Variants in FMN1 observed in about 807,000 individuals in gnomAD.
The protein encoded by FMN1 is formin-1.
A neutral mutation model predicts 132.4 loss-of-function variants in FMN1; 110 were observed. The observed-to-expected ratio is 0.83, with a 90% CI of 0.71 to 0.97. The LOEUF is 0.97. Among genes scored for constraint, FMN1 ranks in the 50% least tolerant of loss-of-function variants. The pLI is 0.00. For missense variants in FMN1, 1,792 were observed against 1,705.3 expected (o/e 1.05, Z -0.90); for synonymous variants, 722 against 651.7 (o/e 1.11, Z -1.64).
At chr15:33,119,158 G>C (rs1388117363) in intron 4 of FMN1, among the ~76,000 whole-genome samples, 1 of 152,180 alleles carries the variant, frequency 6.6e-6, no homozygotes, top group East Asian at 1.9e-4. Context: ...CTTCTATTCT[G>C]ATGATCTAGT....
At chr15:33,055,478 G>C (rs990157036) in intron 6 of FMN1, among the ~76,000 whole-genome samples, 1 of 152,160 alleles carries the variant, frequency 6.6e-6, no homozygotes, top group Non-Finnish European at 1.5e-5. Flanking sequence ...GTGTGAAACT[G>C]GTACAAGGCT....
intron 17 of FMN1, among the ~76,000 whole-genome samples, chr15:32,817,185 G>A (rs1182397701): frequency 6.6e-6 from 1 of 152,124 alleles, no homozygotes; most frequent in Non-Finnish European, 1.5e-5. Context: ...AAAAATAATT[G>A]TTCAGATGTT....
At chr15:32,885,926 G>A (rs1213685064) in intron 16 of FMN1, among the ~76,000 whole-genome samples, 2 of 151,898 alleles carry the variant, frequency 1.3e-5, no homozygotes, top group Admixed American at 6.6e-5. Flanking sequence ...CAGCAGCTAC[G>A]ACACTTTAAT....
chr15:33,065,122 T>C, intron 5 of FMN1, 48 bp from the exon 6 acceptor site: 1 of 1,281,156 alleles, frequency 7.8e-7, no homozygotes, highest in Non-Finnish European at 1.1e-6. Flanking sequence ...TCAGAGCCGA[T>C]TAATTCCTGA....
chr15:32,809,982 C>A (rs917536465), intron 17 of FMN1, among the ~76,000 whole-genome samples: 2 of 151,956 alleles, frequency 1.3e-5, no homozygotes, highest in African/African-American at 2.4e-5. Context: ...TGCCGTGATG[C>A]AATCTCAGCT....
rs200347139 is a variant in FMN1 at position 33,067,217 on chromosome 15, C to T, written c.2044-2143G>A. On this transcript the variant is annotated intron_variant, in intron 5 of 20. Transcript: ENST00000616417. Reference sequence around the variant, plus strand: ...GCTGGGGCGACGCTCTGTCTGAAGACCACCGTTGCCAGCTTCCAGTTTGCT... The same window carrying T: ...GCTGGGGCGACGCTCTGTCTGAAGATCACCGTTGCCAGCTTCCAGTTTGCT... The T allele has an allele frequency of 2.2e-4, 361 of 1,613,322 alleles. No homozygotes were observed. Among genetic ancestry groups the T allele is most frequent in the Non-Finnish European group, 2.9e-4 (339 of 1,179,894 alleles).
rs975573511 is a variant in FMN1 at position 33,001,922 on chromosome 15, T to C, written c.2223+6092A>G. Among the ~76,000 whole-genome samples the C allele has an allele frequency of 5.7e-4, 87 of 152,190 alleles. 1 individual carries two copies. Among genetic ancestry groups the C allele is most frequent in the African/African-American group, 2.0e-3 (83 of 41,530 alleles). ...CCTAAGCTCCCCCACTTACTGCCCATGGAACTACAGGGTAAAATAATCAAC... is the reference window on the plus strand; with the variant it reads ...CCTAAGCTCCCCCACTTACTGCCCACGGAACTACAGGGTAAAATAATCAAC... On this transcript the variant is annotated intron_variant, in intron 7 of 20. Transcript: ENST00000616417.
chr15:33,029,113 A>T (rs974762213), intron 6 of FMN1, among the ~76,000 whole-genome samples: 2 of 152,222 alleles, frequency 1.3e-5, no homozygotes, highest in African/African-American at 2.4e-5. Flanking sequence ...TTAAGGACAG[A>T]GTCTCAGAGG....
intron 9 of FMN1, among the ~76,000 whole-genome samples, chr15:32,940,875 G>C (rs542863163): frequency 6.6e-6 from 1 of 152,266 alleles, no homozygotes; most frequent in South Asian, 2.1e-4. Context: ...AGCAGCAGAG[G>C]CTTTCACAAA....
intron 5 of FMN1, among the ~76,000 whole-genome samples, chr15:33,086,512 A>G (rs2038702047): frequency 6.6e-6 from 1 of 152,142 alleles, no homozygotes; most frequent in Admixed American, 6.5e-5. Context: ...TTTAATTTAC[A>G]GAGGAAAAGG....
chr15:32,918,157 G>A (rs1399919748), intron 10 of FMN1, among the ~76,000 whole-genome samples: 2 of 151,518 alleles, frequency 1.3e-5, no homozygotes, highest in African/African-American at 4.8e-5. Context: ...TAAATAAGAA[G>A]AAAATAAAAT....
rs542729004 is a variant in FMN1 at position 32,767,920 on chromosome 15, G to A, written c.*6390C>T. ...TGCAGAACACAATCTCAGTGGCGCT[G>A]AGCTACCTTCTTTATGCCTTGTGGT... is the stretch of plus-strand genomic sequence containing the variant. On this transcript the variant is annotated 3_prime_UTR_variant, in exon 21 of 21. Coordinates refer to ENST00000616417, the MANE Select transcript of FMN1 (RefSeq NM_001277313.2). 3.3e-5 allele frequency: 5 copies of A among 152,254 alleles called. No individual in the cohort carries two copies. Among genetic ancestry groups the A allele is most frequent in the African/African-American group, 9.6e-5 (4 of 41,546 alleles). 9.4% of individuals were successfully genotyped at this position (152,254 alleles called of 1,614,324 possible).
intron 6 of FMN1, among the ~76,000 whole-genome samples, chr15:33,030,867 G>C (rs1046416633): frequency 6.6e-6 from 1 of 152,074 alleles, no homozygotes; most frequent in African/African-American, 2.4e-5. Flanking sequence ...CACATGTACA[G>C]AATGTGCAGG....
chr15:33,000,588 C>T (rs1013048092), intron 7 of FMN1, among the ~76,000 whole-genome samples: 2 of 152,028 alleles, frequency 1.3e-5, no homozygotes, highest in African/African-American at 4.8e-5. Context: ...CGAGACCAGC[C>T]TGGGCAACAT....
intron 4 of FMN1, among the ~76,000 whole-genome samples, chr15:33,147,266 G>A (rs182093487): frequency 1.7e-4 from 26 of 152,012 alleles, no homozygotes; most frequent in African/African-American, 6.0e-4. Flanking sequence ...ATTACAACCC[G>A]AAAAGGTTGT....
At chr15:32,968,544 G>A (rs74528044) in intron 8 of FMN1, among the ~76,000 whole-genome samples, 170 bp downstream of exon 8, 1,619 of 152,164 alleles carry the variant, frequency 0.011, 31 homozygotes, top group African/African-American at 0.035. Context: ...GGCCCTGATG[G>A]AGACAGACAA....
chr15:32,896,399 A>T lies in FMN1; in HGVS notation c.3714+2435T>A, dbSNP rs533438507. Among the ~76,000 whole-genome samples the T allele has an allele frequency of 1.6e-3, 243 of 152,268 alleles. 1 individual carries two copies. Among genetic ancestry groups the T allele is most frequent in the Non-Finnish European group, 2.8e-3 (187 of 67,972 alleles). On this transcript the variant is annotated intron_variant, in intron 15 of 20. Coordinates refer to ENST00000616417, the MANE Select transcript of FMN1 (RefSeq NM_001277313.2). ...TTGACTGGTACTTCCAACAGAGGAC[A>T]TAATGCCACTCCTTACTGTGGTAAA...
chr15:33,134,506 T>C (rs1963679970), intron 4 of FMN1, among the ~76,000 whole-genome samples: 1 of 152,226 alleles, frequency 6.6e-6, no homozygotes, highest in Admixed American at 6.5e-5. Context: ...ACCTTGCACC[T>C]GGCTGCTGCA....
intron 5 of FMN1, among the ~76,000 whole-genome samples, chr15:33,081,383 A>G (rs2038451984): frequency 6.6e-6 from 1 of 152,228 alleles, no homozygotes; most frequent in Non-Finnish European, 1.5e-5. Context: ...TACAATATGT[A>G]ATAATTAAAA....
Sources: gnomAD v4.1 joint callset for allele counts (sites outside exome capture counted in the v4.1 genomes callset) on GRCh38, gnomAD v4.1.1 for gene constraint, MANE v1.5 for transcripts, NCBI Gene and HGNC (gene_info 2026-07-23, HGNC 2026-07-21) for gene names.